EIF2B4: variants seen among roughly 807,000 people sequenced by gnomAD.
The protein encoded by EIF2B4 is translation initiation factor eIF2B subunit delta.
EIF2B4 carries 34 observed loss-of-function variants against 66.7 expected under a neutral mutation model. That is an observed-to-expected ratio of 0.51 (90% confidence interval 0.39 to 0.68). The LOEUF is 0.68. Ranked by LOEUF, EIF2B4 falls within the 30% of genes least tolerant of loss-of-function variation. The pLI is 0.00. For missense variants in EIF2B4, 618 were observed against 657.9 expected (o/e 0.94, Z 0.66); for synonymous variants, 278 against 253.6 (o/e 1.10, Z -0.92).
At chr2:27,367,715 G>C (rs571500174) in intron 8 of EIF2B4, 31 bp downstream of exon 8, 1 of 1,596,844 alleles carries the variant, frequency 6.3e-7, no homozygotes, top group South Asian at 1.1e-5. Context: ...GATTGGGCGA[G>C]CTGGGAGTGG....
At position 27,370,338 on chromosome 2, in the gene EIF2B4, C is replaced by T; in HGVS notation, c.-24G>A. On this transcript the variant is annotated 5_prime_UTR_variant, in exon 1 of 13. Transcript: ENST00000347454. ...ATCGCCCTCAGTCCTAGGCTCCGCC[C>T]GCCGTGGTCACGGAGCCGCCCCGCT... is the stretch of plus-strand genomic sequence containing the variant. The T allele has an allele frequency of 1.3e-6, 2 of 1,542,216 alleles. No individual in the cohort carries two copies. Among genetic ancestry groups the T allele is most frequent in the East Asian group, 2.4e-5 (1 of 40,980 alleles).
In EIF2B4 at chr2:27,368,635, C is replaced by T. The variant is rs1185177795; in HGVS notation, c.498+19G>A. On this transcript the variant is annotated intron_variant, in intron 5 of 12. Coordinates refer to ENST00000347454, the MANE Select transcript of EIF2B4 (RefSeq NM_001034116.2). Reference sequence around the variant, plus strand: ...TTTCCCTAGGCTCTTTCTAGCCAGGCACCAAACCCACTTCCTACCTGTTGA... The same window carrying T: ...TTTCCCTAGGCTCTTTCTAGCCAGGTACCAAACCCACTTCCTACCTGTTGA... The T allele has an allele frequency of 1.2e-6, 2 of 1,613,978 alleles. No individual in the cohort carries two copies. The highest frequency in any genetic ancestry group is 2.7e-5 in the African/African-American group (2 of 74,908).
intron 6 of EIF2B4, 69 bp downstream of exon 6, chr2:27,368,302 AG>A: frequency 6.9e-7 from 1 of 1,452,032 alleles, no homozygotes; most frequent in Admixed American, 1.7e-5. Context: ...TCAGATTACT[AG>A]AAACTTTCAA....
chr2:27,366,422 C>T (rs1318584040), intron 11 of EIF2B4: 10 of 363,442 alleles, frequency 2.8e-5, no homozygotes, highest in Non-Finnish European at 4.2e-5. Flanking sequence ...GTGGCTCATG[C>T]CTATGATCCC....
rs1370250332 is a variant in EIF2B4 at position 27,369,480 on chromosome 2, T to C, written c.145A>G (p.Lys49Glu). The C allele has an allele frequency of 1.9e-6, 3 of 1,613,942 alleles. No individual in the cohort carries two copies. The Admixed American group carries it at 5.0e-5, about 27-fold the overall frequency. ...TCTGCCCCCTTTTCTTCCTTCCGTT[T>C]CTTCTTCTGCTGTTTCTTTTCCTTC... ...LRKEKKQQKKKRKEEKGAEPE... is the reference protein window; with the variant it reads ...LRKEKKQQKKERKEEKGAEPE... Residue 49 changes from lysine to glutamate, a missense_variant, in exon 3 of 13, where the codon AAA (lysine) becomes GAA (glutamate). Lys to Glu is a moderately conservative substitution (Grantham distance 56). Coordinates refer to ENST00000347454, the MANE Select transcript of EIF2B4 (RefSeq NM_001034116.2).
intron 8 of EIF2B4, 78 bp downstream of exon 8, chr2:27,367,664 AAAAG>A (rs1263784932): frequency 3.1e-6 from 5 of 1,588,220 alleles, no homozygotes; most frequent in Non-Finnish European, 4.3e-6. Flanking sequence ...ACACAAAATG[AAAAG>A]AGAGATAGAA....
rs779806044 is a variant in EIF2B4 at position 27,369,130 on chromosome 2, G to C, written c.294C>G (p.Ala98=). The C allele has an allele frequency of 6.2e-7, 1 of 1,613,676 alleles. No homozygotes were observed. The highest frequency in any genetic ancestry group is 8.5e-7 in the Non-Finnish European group (1 of 1,179,950). The change falls in exon 4 of 13, where the codon GCC becomes GCG. Residue 98 remains alanine (A), a synonymous_variant. Coordinates refer to ENST00000347454, the MANE Select transcript of EIF2B4 (RefSeq NM_001034116.2). ...REKVPAGRSK[A]ELRAERRAKQ... ...TGGCTCGACGCTCAGCCCGAAGTTC[G>C]GCCTTACTCCGACCAGCTGGAACTT...
In EIF2B4 at chr2:27,368,016, G is replaced by C; in HGVS notation, c.705+9C>G. On this transcript the variant is annotated intron_variant, in intron 7 of 12. Coordinates refer to ENST00000347454, the MANE Select transcript of EIF2B4 (RefSeq NM_001034116.2). ...GTTGGATCATAAGAGAGAACAGGAT[G>C]GGACATACCTGCTGCAAGGCACGAA... is the stretch of plus-strand genomic sequence containing the variant. The C allele has an allele frequency of 6.4e-7, 1 of 1,570,288 alleles. No individual in the cohort carries two copies. Among genetic ancestry groups the C allele is most frequent in the African/African-American group, 1.4e-5 (1 of 74,024 alleles).
rs1682179650 is a variant in EIF2B4 at position 27,369,487 on chromosome 2, C to T, written c.138G>A (p.Gln46=). The change falls in exon 3 of 13, where the codon CAG becomes CAA. Residue 46 remains glutamine (Q), a synonymous_variant. Transcript: ENST00000347454. ...KLQLRKEKKQ[Q]KKKRKEEKGA... ...CCTTTTCTTCCTTCCGTTTCTTCTT[C>T]TGCTGTTTCTTTTCCTTCCGAAGCT... 1.2e-5 allele frequency: 20 copies of T among 1,614,162 alleles called. 1 individual carries two copies. Among genetic ancestry groups the T allele is most frequent in the Non-Finnish European group, 1.4e-5 (16 of 1,180,040 alleles).
intron 2 of EIF2B4, 56 bp from the exon 3 acceptor site, chr2:27,369,605 T>C (rs1170021926): frequency 2.0e-5 from 32 of 1,611,900 alleles, no homozygotes; most frequent in Non-Finnish European, 2.5e-5. Flanking sequence ...GGGGAACAAA[T>C]ACTATTGGAT....
chr2:27,366,616 C>T, intron 11 of EIF2B4, 143 bp downstream of exon 11: 1 of 954,400 alleles, frequency 1.0e-6, no homozygotes, highest in South Asian at 1.4e-5. Context: ...GAGGTCAAGA[C>T]TGCAGTGAGC....
At position 27,367,220 on chromosome 2, in the gene EIF2B4, T is replaced by C. The variant is rs1681927025; in HGVS notation, c.886-19A>G. 1 of 1,614,126 alleles carries C rather than the reference T, an allele frequency of 6.2e-7. No homozygotes were observed. Among genetic ancestry groups the C allele is most frequent in the African/African-American group, 1.3e-5 (1 of 75,042 alleles). On this transcript the variant is annotated intron_variant, in intron 9 of 12. Transcript: ENST00000347454. ...ACTTGGCCTAAATGGAGTAAAATCC[T>C]TAGTGAACAAGAAATGGACACTTTT...
chr2:27,368,960 C>CTA, intron 4 of EIF2B4, 46 bp downstream of exon 4: 3 of 1,609,450 alleles, frequency 1.9e-6, no homozygotes, highest in Non-Finnish European at 2.6e-6. Context: ...CCTGAGCTGG[C>CTA]GTTATAATTA....
rs766227499 is a variant in EIF2B4, at chr2:27,366,948, G to T, written c.1014-12C>A. 28 of 1,614,076 alleles carry T rather than the reference G, an allele frequency of 1.7e-5. No homozygotes were observed. The Admixed American group carries it at 2.0e-4, about 12-fold the overall frequency. On this transcript the variant is annotated splice_polypyrimidine_tract_variant and intron_variant, in intron 10 of 12. Coordinates refer to ENST00000347454, the MANE Select transcript of EIF2B4 (RefSeq NM_001034116.2). The stretch of plus-strand genomic sequence containing the variant: ...ATACCAGAGATGAGCTAGAGTGAAT[G>T]AAGAGGAGGATTCAGTTATAAATGT...
At position 27,364,791 on chromosome 2, in the gene EIF2B4, T is replaced by C; in HGVS notation, c.1299A>G (p.Pro433=). 6.2e-7 allele frequency: 1 copy of C among 1,614,204 alleles called. No homozygotes were observed. Among genetic ancestry groups the C allele is most frequent in the South Asian group, 1.1e-5 (1 of 91,086 alleles). ...TGTATGTTTCACAGCAAACCAGCAC[T>C]GGTACATTATGGGCTCGAGCCACCA... ...LALVARAHNV[P]VLVCCETYKF... is the part of the protein sequence containing the mutation. The change falls in exon 12 of 13, where the codon CCA becomes CCG. Residue 433 remains proline (P), a synonymous_variant. Transcript: ENST00000347454.
Position 27,369,526 on chromosome 2 carries a change from T to C in EIF2B4, c.99A>G (p.Lys33=). 1.2e-6 allele frequency: 2 copies of C among 1,614,176 alleles called. No homozygotes were observed. Among genetic ancestry groups the C allele is most frequent in the Non-Finnish European group, 1.7e-6 (2 of 1,180,048 alleles). The change falls in exon 3 of 13, where the codon AAA becomes AAG. Residue 33 remains lysine, a synonymous_variant. Coordinates refer to ENST00000347454, the MANE Select transcript of EIF2B4 (RefSeq NM_001034116.2). ...CCTTCCGAAGCTGCAGCTTTTCTTC[T>C]TTGGTCATTTCCCTCCCCACTGCCT... The part of the protein sequence containing the change: ...GPGAVGREMT[K]EEKLQLRKEK...
Position 27,364,599 on chromosome 2 carries a change from T to C in EIF2B4, c.1373A>G (p.Asp458Gly). The C allele has an allele frequency of 1.2e-6, 2 of 1,614,204 alleles. No homozygotes were observed. The highest frequency in any genetic ancestry group is 1.7e-6 in the Non-Finnish European group (2 of 1,180,044). ...CTTACATTGCAGATCATCAGGGTCA[T>C]CTGCAATGGAAGGCGTACCCATTAT... Reference protein sequence around the residue: ...QTDAFVSNELDDPDDLQCKRG... With the variant: ...QTDAFVSNELGDPDDLQCKRG... Residue 458 changes from aspartate (D) to glycine (G), a missense_variant and splice_region_variant, in exon 13 of 13, where the codon GAT becomes GGT. Physicochemically the swap from Asp to Gly is moderately conservative, Grantham distance 94. Around this residue, in one of 4 missense-constraint regions of EIF2B4, gnomAD observed 36 missense variants for 65.5 expected, o/e 0.55. Transcript: ENST00000347454.
At position 27,364,466 on chromosome 2, in the gene EIF2B4, C is replaced by A. The variant is rs146687759; in HGVS notation, c.1506G>T (p.Thr502=). 1 of 1,614,126 alleles carries A rather than the reference C, an allele frequency of 6.2e-7. No homozygotes were observed. Among genetic ancestry groups the A allele is most frequent in the South Asian group, 1.1e-5 (1 of 91,078 alleles). Residue 502 remains threonine (T), a synonymous_variant, in exon 13 of 13, where the codon ACG becomes ACT. Transcript: ENST00000347454. The part of the protein sequence containing the change: ...TPPELVDLVI[T]ELGMIPCSSV... ...AACTGCAAGGGATCATCCCCAGCTC[C>A]GTGATCACCAGATCCACAAGCTCTG...
chr2:27,366,644 A>C, intron 11 of EIF2B4, 115 bp downstream of exon 11: 2 of 1,277,490 alleles, frequency 1.6e-6, no homozygotes, highest in Non-Finnish European at 2.3e-6. Context: ...ACGTCGCTGC[A>C]CTCCATCCTT....
Sources: allele counts gnomAD v4.1 joint callset, GRCh38; gene constraint gnomAD v4.1.1; regional missense constraint gnomAD v4.1.1; transcripts MANE v1.5; gene names NCBI Gene and HGNC (gene_info 2026-07-23, HGNC 2026-07-21).